IPO11: variants seen among roughly 807,000 people sequenced by gnomAD.
The protein encoded by IPO11 is importin 11.
A neutral mutation model predicts 143.2 loss-of-function variants in IPO11; 66 were observed. The observed-to-expected ratio is 0.46, with a 90% CI of 0.38 to 0.57. The LOEUF is 0.57. IPO11 is among the 20% of genes least tolerant of loss of function. The pLI, the probability that IPO11 is intolerant of heterozygous loss-of-function variation, is 0.00. For synonymous variants in IPO11, 385 were observed against 377.8 expected (o/e 1.02, Z -0.22); for missense variants, 1,026 against 1,141.0 (o/e 0.90, Z 1.45).
At chr5:62,610,843 T>C (rs1195496371) in intron 29 of IPO11, among the ~76,000 whole-genome samples, 2 of 152,168 alleles carry the variant, frequency 1.3e-5, no homozygotes, top group South Asian at 2.1e-4. Flanking sequence ...TAATCAGTAC[T>C]TCCTCTGAGA....
intron 7 of IPO11, among the ~76,000 whole-genome samples, chr5:62,472,432 C>T (rs576554536): frequency 1.3e-5 from 2 of 151,782 alleles, no homozygotes; most frequent in Non-Finnish European, 2.9e-5. Context: ...AACCTTTACT[C>T]AGTTATAAAT....
chr5:62,449,402 C>A (rs528851081), intron 3 of IPO11, among the ~76,000 whole-genome samples: 2 of 152,270 alleles, frequency 1.3e-5, no homozygotes, highest in Non-Finnish European at 2.9e-5. Flanking sequence ...AGTCACCCAT[C>A]CCAGATATTC....
At chr5:62,581,416 G>T (rs761615338) in intron 27 of IPO11, 96 of 842,340 alleles carry the variant, frequency 1.1e-4, no homozygotes, top group Non-Finnish European at 1.7e-4. Flanking sequence ...AATTATATGA[G>T]GTTAGCATTA....
chr5:62,501,550 T>G (rs1464091130), intron 16 of IPO11, among the ~76,000 whole-genome samples: 3 of 152,192 alleles, frequency 2.0e-5, no homozygotes, highest in Non-Finnish European at 4.4e-5. Context: ...TTATTTATTT[T>G]TATTTTATCT....
chr5:62,547,477 A>G (rs147454456), intron 24 of IPO11, among the ~76,000 whole-genome samples: 13 of 152,194 alleles, frequency 8.5e-5, no homozygotes, highest in African/African-American at 3.1e-4. Context: ...CAGCTTTTCT[A>G]TATGTTGCCA....
chr5:62,416,120 G>A (rs949851847), intron 1 of IPO11, among the ~76,000 whole-genome samples: 6 of 151,306 alleles, frequency 4.0e-5, no homozygotes, highest in Non-Finnish European at 5.9e-5. Flanking sequence ...GCCTTTTCTC[G>A]TGGTCATCCT....
Position 62,484,135 on chromosome 5 carries a change from A to G in IPO11, c.1147A>G (p.Met383Val), listed in dbSNP as rs1397944830. The change falls in exon 11 of 30, where the codon ATG becomes GTG. Residue 383 changes from methionine (M) to valine (V), a missense_variant. Transcript: ENST00000325324. The stretch of plus-strand genomic sequence containing the variant: ...CCTATTAACTGAAGAAGAACTGACA[A>G]TGTGGGAAGAAGACCCAGAAGGCTT... ...YFLLTEEELT[M>V]WEEDPEGFTV... The G allele has an allele frequency of 2.5e-6, 4 of 1,604,620 alleles. No individual in the cohort carries two copies. The highest frequency in any genetic ancestry group is 1.1e-5 in the South Asian group (1 of 88,380).
intron 2 of IPO11, among the ~76,000 whole-genome samples, chr5:62,441,812 C>T (rs916985901): frequency 2.0e-5 from 3 of 151,306 alleles, no homozygotes; most frequent in East Asian, 3.9e-4. Context: ...CCACCATGCC[C>T]GGCCGCTTTA....
rs1056489286 is a variant in IPO11, at chr5:62,448,193, A to G, written c.240-1734A>G. Among the ~76,000 whole-genome samples the G allele has an allele frequency of 6.6e-5, 10 of 151,666 alleles. No homozygotes were observed. In the East Asian group the frequency reaches 9.7e-4, roughly 15 times the overall value. The stretch of plus-strand genomic sequence containing the variant: ...TTAGTATGTTTTTTTTTTCAGTCTG[A>G]TAACAAGATAGCTACTAGATGTCTA... On this transcript the variant is annotated intron_variant, in intron 3 of 29. Transcript: ENST00000325324.
intron 27 of IPO11, among the ~76,000 whole-genome samples, chr5:62,564,843 G>C (rs769222543): frequency 6.6e-6 from 1 of 152,168 alleles, no homozygotes; most frequent in Non-Finnish European, 1.5e-5. Flanking sequence ...TAGAAATTCA[G>C]TGAAGACTAC....
intron 2 of IPO11, among the ~76,000 whole-genome samples, 187 bp from the exon 3 acceptor site, chr5:62,442,796 G>A (rs536908398): frequency 2.3e-4 from 35 of 152,158 alleles, no homozygotes; most frequent in Admixed American, 1.6e-3. Context: ...CCTGGGAGGC[G>A]GAGGTTGCAG....
chr5:62,420,884 G>A (rs1316552401), intron 1 of IPO11, among the ~76,000 whole-genome samples: 2 of 152,178 alleles, frequency 1.3e-5, no homozygotes, highest in African/African-American at 2.4e-5. Flanking sequence ...TTTATGTGGT[G>A]TGTGACCCTC....
chr5:62,613,440 C>G (rs1561387638), intron 29 of IPO11, among the ~76,000 whole-genome samples: 1 of 150,916 alleles, frequency 6.6e-6, no homozygotes, highest in Non-Finnish European at 1.5e-5. Flanking sequence ...GTAGCAGGGA[C>G]TACAGGTGCA....
intron 27 of IPO11, among the ~76,000 whole-genome samples, chr5:62,570,930 A>G (rs1744112028): frequency 6.6e-6 from 1 of 152,218 alleles, no homozygotes; most frequent in African/African-American, 2.4e-5. Context: ...AGAATAAGAG[A>G]TGTTTCTCAG....
rs1158532133 is a variant in IPO11 at position 62,425,948 on chromosome 5, A to G, written c.-6-11326A>G. Among the ~76,000 whole-genome samples, 5 of 152,232 alleles carry G rather than the reference A, an allele frequency of 3.3e-5. No homozygotes were observed. The East Asian group carries it at 7.7e-4, about 23-fold the overall frequency. On this transcript the variant is annotated intron_variant, in intron 1 of 29. Coordinates refer to ENST00000325324, the MANE Select transcript of IPO11 (RefSeq NM_016338.5). ...TAAGAACATTAAGTACCTAATAGAC[A>G]TGACTATTTGGAGCTATACTGCTAT...
At chr5:62,528,711 T>C (rs946395982) in intron 21 of IPO11, among the ~76,000 whole-genome samples, 1 of 152,166 alleles carries the variant, frequency 6.6e-6, no homozygotes, top group African/African-American at 2.4e-5. Context: ...CAACAAAATA[T>C]GAAGCATCGT....
chr5:62,426,512 C>G (rs539242591), intron 1 of IPO11, among the ~76,000 whole-genome samples: 12 of 152,238 alleles, frequency 7.9e-5, no homozygotes, highest in African/African-American at 2.9e-4. Context: ...TTGATATGTG[C>G]TTAACAAGAG....
intron 27 of IPO11, among the ~76,000 whole-genome samples, chr5:62,589,216 C>T (rs543537800): frequency 7.9e-5 from 12 of 152,132 alleles, no homozygotes; most frequent in Non-Finnish European, 1.2e-4. Context: ...CCCTGCACTC[C>T]CTCTAGTTAT....
chr5:62,463,198 T>G (rs779034240), intron 5 of IPO11, among the ~76,000 whole-genome samples: 3 of 152,040 alleles, frequency 2.0e-5, no homozygotes, highest in Non-Finnish European at 4.4e-5. Flanking sequence ...TGTGCCACCA[T>G]GTCCAGCTAA....
Sources: allele counts gnomAD v4.1 joint callset (sites outside exome capture counted in the v4.1 genomes callset), GRCh38; gene constraint gnomAD v4.1.1; transcripts MANE v1.5; gene names NCBI Gene and HGNC (gene_info 2026-07-23, HGNC 2026-07-21).